TACC1: variants seen among roughly 807,000 people sequenced by gnomAD.
TACC1 encodes the protein transforming acidic coiled-coil-containing protein 1.
In TACC1, 48 loss-of-function variants were observed where a neutral mutation model predicts 84.4. The ratio of observed to expected loss-of-function variants is 0.57; its 90% confidence interval spans 0.45 to 0.72. TACC1 has a LOEUF of 0.72. Ranked by LOEUF, TACC1 falls within the 30% of genes least tolerant of loss-of-function variation. The probability of loss-of-function intolerance (pLI) is 0.00; values close to 1 mark genes in which losing one functional copy is unlikely to be tolerated. For missense variants in TACC1, 920 were observed against 973.0 expected, an observed-to-expected ratio of 0.95 and a Z score of 0.72; for synonymous variants, 372 against 376.3, an observed-to-expected ratio of 0.99 and a Z score of 0.13.
chr8:38,840,282 T>G lies in TACC1; in HGVS notation c.1960+15T>G, dbSNP rs774781663. Reference sequence around the variant, plus strand: ...TCAAATGATTGGTAAGGAGAACATTTTGTTTTTTGAGGGTATGAGCCATAG... The same window carrying G: ...TCAAATGATTGGTAAGGAGAACATTGTGTTTTTTGAGGGTATGAGCCATAG... On this transcript the variant is annotated intron_variant, in intron 9 of 12. Transcript: ENST00000317827. The G allele has an allele frequency of 1.2e-6, 2 of 1,611,902 alleles. No homozygotes were observed. Among genetic ancestry groups the G allele is most frequent in the East Asian group, 4.5e-5 (2 of 44,820 alleles).
chr8:38,786,556 T>C (rs1168110180), upstream of TACC1, among the ~76,000 whole-genome samples: 2 of 151,986 alleles, frequency 1.3e-5, no homozygotes, highest in Non-Finnish European at 2.9e-5. Flanking sequence ...TAAATAAATA[T>C]GGAGAATGGG....
chr8:38,845,725 G>T (rs1160649711), intron 11 of TACC1, among the ~76,000 whole-genome samples: 1 of 152,206 alleles, frequency 6.6e-6, no homozygotes, highest in Non-Finnish European at 1.5e-5. Flanking sequence ...AAGTGGCATT[G>T]CTGCGTTGGA....
At chr8:38,830,304 C>T (rs1828948670) in intron 5 of TACC1, among the ~76,000 whole-genome samples, 1 of 152,078 alleles carries the variant, frequency 6.6e-6, no homozygotes, top group Non-Finnish European at 1.5e-5. Flanking sequence ...GACTGAGTTT[C>T]GCTCTTGTTG....
At chr8:38,733,450 A>C (rs1468051151) in intron 1 of TACC1, among the ~76,000 whole-genome samples, 6 of 152,088 alleles carry the variant, frequency 3.9e-5, no homozygotes, top group South Asian at 4.2e-4. Context: ...GGGGAGATGC[A>C]CTTAGGGCAG....
At chr8:38,833,689 G>A (rs1314574163) in intron 6 of TACC1, among the ~76,000 whole-genome samples, 1 of 152,178 alleles carries the variant, frequency 6.6e-6, no homozygotes, top group African/African-American at 2.4e-5. Flanking sequence ...CTCAACAAAT[G>A]AATGAGATGC....
At chr8:38,788,135 A>G (rs1003543190) in intron 1 of TACC1, 5 of 202,394 alleles carry the variant, frequency 2.5e-5, no homozygotes, top group African/African-American at 1.2e-4. Flanking sequence ...CCGGGGCCCT[A>G]CCGTGTACCC....
At chr8:38,745,895 G>A (rs1808002033) in intron 3 of TACC1, among the ~76,000 whole-genome samples, 1 of 152,214 alleles carries the variant, frequency 6.6e-6, no homozygotes, top group African/African-American at 2.4e-5. Context: ...ACACAGGCTG[G>A]AGTGTAGTGG....
At chr8:38,782,439 G>A (rs554197316), upstream of TACC1, among the ~76,000 whole-genome samples, 5 of 152,252 alleles carry the variant, frequency 3.3e-5, no homozygotes, top group African/African-American at 9.6e-5. Context: ...ATTTGGGTTG[G>A]TTCCAAGTCT....
At chr8:38,783,255 T>G (rs1816489721), upstream of TACC1, among the ~76,000 whole-genome samples, 1 of 151,706 alleles carries the variant, frequency 6.6e-6, no homozygotes, top group South Asian at 2.1e-4. Flanking sequence ...ACTTTTCTTC[T>G]GTGATACAGA....
At chr8:38,824,131 G>A in intron 3 of TACC1, 1 of 924,802 alleles carries the variant, frequency 1.1e-6, no homozygotes, top group Non-Finnish European at 1.6e-6. Flanking sequence ...TTCTGAGTTT[G>A]ATCTTCTGAT....
chr8:38,736,018 C>T (rs914880439), intron 1 of TACC1, among the ~76,000 whole-genome samples: 1 of 152,192 alleles, frequency 6.6e-6, no homozygotes, highest in African/African-American at 2.4e-5. Flanking sequence ...GCCGGTACTC[C>T]CTCCAGTGGC....
At chr8:38,803,554 T>G (rs780191781) in intron 2 of TACC1, among the ~76,000 whole-genome samples, 148 of 152,338 alleles carry the variant, frequency 9.7e-4, no homozygotes, top group Non-Finnish European at 1.8e-3. Context: ...TTGATTGTTG[T>G]GTATTATATT....
At chr8:38,822,821 A>G (rs1294053533) in intron 3 of TACC1, among the ~76,000 whole-genome samples, 1 of 152,206 alleles carries the variant, frequency 6.6e-6, no homozygotes, top group South Asian at 2.1e-4. Context: ...TCAGGACATC[A>G]CTAGACAATA....
intron 2 of TACC1, among the ~76,000 whole-genome samples, chr8:38,811,716 T>C (rs1280849110): frequency 3.9e-5 from 6 of 152,318 alleles, no homozygotes; most frequent in East Asian, 1.9e-4. Context: ...ATTGTACAAA[T>C]TGATTGTGAA....
At chr8:38,773,882 A>T (rs960651402) in intron 3 of TACC1, among the ~76,000 whole-genome samples, 7 of 152,254 alleles carry the variant, frequency 4.6e-5, no homozygotes, top group Admixed American at 2.0e-4. Context: ...ACATTTTAAC[A>T]GTGGCTATTT....
intron 9 of TACC1, among the ~76,000 whole-genome samples, chr8:38,840,878 C>T (rs757182095): frequency 2.0e-5 from 3 of 152,132 alleles, no homozygotes; most frequent in Middle Eastern, 3.4e-3. Context: ...GGAGAAACCC[C>T]GTCTCTACTA....
At chr8:38,830,216 A>G (rs1563870643) in intron 5 of TACC1, among the ~76,000 whole-genome samples, 1 of 152,124 alleles carries the variant, frequency 6.6e-6, no homozygotes, top group African/African-American at 2.4e-5. Flanking sequence ...AAACTTTTGT[A>G]TGCTTTTCTG....
In TACC1 at chr8:38,819,897, C is replaced by T; in HGVS notation, c.653C>T (p.Ser218Phe). 3 of 1,614,082 alleles carry T rather than the reference C, an allele frequency of 1.9e-6. No individual in the cohort carries two copies. Among genetic ancestry groups the T allele is most frequent in the Non-Finnish European group, 1.7e-6 (2 of 1,180,056 alleles). Residue 218 changes from serine to phenylalanine, a missense_variant, in exon 3 of 13, where the codon TCC (serine) becomes TTC (phenylalanine). This residue lies in a region of TACC1 where 762 missense variants were observed against 747.3 expected (regional missense o/e 1.02). Transcript: ENST00000317827. ...GAAGCTGATCTAAAAGCTGGCAACT[C>T]CTGTCCAGAGCTTGTGCCCAGCAGA... ...SAEADLKAGN[S>F]CPELVPSRRS...
intron 3 of TACC1, chr8:38,757,261 C>T: frequency 3.5e-6 from 4 of 1,140,950 alleles, no homozygotes; most frequent in Non-Finnish European, 4.4e-6. Flanking sequence ...ACCGCCTCCC[C>T]GCCCAGGGTC....
Sources: allele counts gnomAD v4.1 joint callset (sites outside exome capture counted in the v4.1 genomes callset), GRCh38; gene constraint gnomAD v4.1.1; regional missense constraint gnomAD v4.1.1; transcripts MANE v1.5; gene names NCBI Gene and HGNC (gene_info 2026-07-23, HGNC 2026-07-21).